NCOR2: variants seen among roughly 807,000 people sequenced by gnomAD.
The protein encoded by NCOR2 is CTG repeat protein 26.
A neutral mutation model predicts 262.9 loss-of-function variants in NCOR2; 81 were observed. That is an observed-to-expected ratio of 0.31 (90% CI 0.26 to 0.37). NCOR2 has a LOEUF of 0.37. NCOR2 is among the 10% of genes least tolerant of loss of function. The probability of loss-of-function intolerance (pLI) is 1.00; values close to 1 mark genes in which losing one functional copy is unlikely to be tolerated. For missense variants in NCOR2, 3,385 were observed against 3,621.4 expected (o/e 0.93, Z 1.68); for synonymous variants, 1,659 against 1,559.3 (o/e 1.06, Z -1.51).
At chr12:124,522,978 G>T (rs535560492) in intron 1 of NCOR2, among the ~76,000 whole-genome samples, 2 of 152,300 alleles carry the variant, frequency 1.3e-5, no homozygotes, top group African/African-American at 4.8e-5. Context: ...AAAGGGGCCT[G>T]CCTCCTGGAT....
At chr12:124,370,760 G>T (rs1178689246) in intron 20 of NCOR2, among the ~76,000 whole-genome samples, 1 of 152,158 alleles carries the variant, frequency 6.6e-6, no homozygotes, top group Non-Finnish European at 1.5e-5. Context: ...GGTCACCCAG[G>T]CCAGGAGCAA....
rs2051599502 is a variant in NCOR2, at chr12:124,548,230, C to T, written c.-164-12619G>A. Among the ~76,000 whole-genome samples the T allele has an allele frequency of 6.6e-6, 1 of 152,196 alleles. No homozygotes were observed. The highest frequency in any genetic ancestry group is 2.4e-5 in the African/African-American group (1 of 41,450). The stretch of plus-strand genomic sequence containing the variant: ...TGTCAATATGCAGGGAACAGCATTC[C>T]AGGTGGGGGGAACAACAAACGCGAA... On this transcript the variant is annotated intron_variant, in intron 1 of 32. Transcript: ENST00000458234. This position sits in a 1 kb window ranked among gnomAD's most constrained non-coding sequence, Gnocchi z 5.1.
rs748310660 is a variant in NCOR2, at chr12:124,340,755, C to A, written c.5189-4G>T. On this transcript the variant is annotated splice_polypyrimidine_tract_variant and splice_region_variant and intron_variant, in intron 34 of 46. Transcript: ENST00000405201. ...ACTTGGGACAGGTCGATGATGCCTGCGGGAGGTGTTGGGCCAGGGCTGTAG... is the reference window on the plus strand; with the variant it reads ...ACTTGGGACAGGTCGATGATGCCTGAGGGAGGTGTTGGGCCAGGGCTGTAG... The A allele has an allele frequency of 3.3e-5, 51 of 1,531,972 alleles. No homozygotes were observed. Among genetic ancestry groups the A allele is most frequent in the Middle Eastern group, 3.4e-4 (2 of 5,818 alleles). The allele number at this position is 1,531,972 out of a possible 1,614,324, so 94.9% of individuals were successfully genotyped here.
At chr12:124,520,094 G>A (rs1006764159) in intron 1 of NCOR2, among the ~76,000 whole-genome samples, 10 of 152,186 alleles carry the variant, frequency 6.6e-5, no homozygotes, top group Admixed American at 3.3e-4. Flanking sequence ...TAGTGGCTGC[G>A]GAGGCCCCTG....
chr12:124,494,667 G>A (rs1358546991), intron 1 of NCOR2, among the ~76,000 whole-genome samples: 1 of 152,172 alleles, frequency 6.6e-6, no homozygotes, highest in Non-Finnish European at 1.5e-5. Flanking sequence ...AACCTGTGTG[G>A]GGCCTCCTCA....
chr12:124,442,550 C>G (rs554260137), intron 7 of NCOR2, among the ~76,000 whole-genome samples: 1 of 152,322 alleles, frequency 6.6e-6, no homozygotes, highest in East Asian at 1.9e-4. Flanking sequence ...TTCTGTTGCA[C>G]AACGTACAAT....
rs1435801749 is a variant in NCOR2, at chr12:124,548,429, T to C, written c.-164-12818A>G. 2.0e-5 allele frequency among the ~76,000 whole-genome samples: 3 copies of C among 152,096 alleles called. No individual in the cohort carries two copies. Among genetic ancestry groups the C allele is most frequent in the Non-Finnish European group, 2.9e-5 (2 of 67,990 alleles). ...CCAGACAGGTGTGACCAGAGTGGAC[T>C]GGGGACCCCGAAGAGGCTACTGCAG... On this transcript the variant is annotated intron_variant, in intron 1 of 32. Coordinates refer to the NCOR2 transcript ENST00000458234. This position sits in a 1 kb window ranked among gnomAD's most constrained non-coding sequence, Gnocchi z 5.1.
chr12:124,485,640 C>T (rs1229971884), intron 2 of NCOR2, among the ~76,000 whole-genome samples: 1 of 152,212 alleles, frequency 6.6e-6, no homozygotes, highest in African/African-American at 2.4e-5. Flanking sequence ...CAGACGCCTG[C>T]GCCCACCTGA....
At chr12:124,540,479 A>T (rs1234188049), upstream of NCOR2, among the ~76,000 whole-genome samples, 2 of 9,108 alleles carry the variant, frequency 2.2e-4, no homozygotes, top group African/African-American at 6.2e-4. Flanking sequence ...CTGGAGGGGG[A>T]TGGGGAGTGG....
rs2047631359 is a variant in NCOR2, at chr12:124,483,853, C to T, written c.234-80G>A. ...CCGAGGCCCCGACCACCCTCTGCGC[C>T]GAGCATCTACTGCGCGCCGTGCTCT... On this transcript the variant is annotated intron_variant, in intron 2 of 46. Coordinates refer to ENST00000405201, the Ensembl canonical transcript of NCOR2. This position sits in a 1 kb window ranked among gnomAD's most constrained non-coding sequence, Gnocchi z 6.3. The T allele has an allele frequency of 2.8e-6, 4 of 1,409,222 alleles. No individual in the cohort carries two copies. Among genetic ancestry groups the T allele is most frequent in the Admixed American group, 2.6e-5 (1 of 38,484 alleles). 87.3% of individuals were successfully genotyped at this position (1,409,222 alleles called of 1,614,324 possible).
intron 1 of NCOR2, among the ~76,000 whole-genome samples, chr12:124,501,577 T>G (rs1278542998): frequency 6.6e-6 from 1 of 152,122 alleles, no homozygotes; most frequent in Non-Finnish European, 1.5e-5. Context: ...TGTAGATGCA[T>G]CGTGCCATCC....
chr12:124,474,361 G>T (rs753275144), intron 3 of NCOR2, among the ~76,000 whole-genome samples: 2 of 152,120 alleles, frequency 1.3e-5, no homozygotes, highest in Admixed American at 1.3e-4. Context: ...CTTTTTATTT[G>T]CCCGTTATTT....
At chr12:124,349,662 A>T (rs2037266409) in intron 28 of NCOR2, among the ~76,000 whole-genome samples, 1 of 152,128 alleles carries the variant, frequency 6.6e-6, no homozygotes, top group Non-Finnish European at 1.5e-5. Flanking sequence ...GAGAGTTTAA[A>T]GGCCCCGACT....
At chr12:124,487,204 G>A (rs1052764968) in intron 1 of NCOR2, among the ~76,000 whole-genome samples, 20 of 152,190 alleles carry the variant, frequency 1.3e-4, no homozygotes, top group African/African-American at 4.1e-4. Flanking sequence ...ATGCCCACGC[G>A]AGGGAACGAG....
intron 20 of NCOR2, among the ~76,000 whole-genome samples, chr12:124,369,358 G>A (rs1405433780): frequency 6.6e-6 from 1 of 152,080 alleles, no homozygotes; most frequent in Non-Finnish European, 1.5e-5. Context: ...CGGGGCGGGG[G>A]GCCAGATGAG....
Position 124,372,555 on chromosome 12 carries a change from G to A in NCOR2, c.2274C>T (p.Ala758=), listed in dbSNP as rs771509251. Residue 758 remains alanine (A), a synonymous_variant, in exon 20 of 47, where the codon GCC becomes GCT. Coordinates refer to ENST00000405201, the Ensembl canonical transcript of NCOR2. ...GCCCATTCTGCCCTGTGTCCTTGGCGGCCTCAGTGTGAGGAGAGGGGATGC... is the reference window on the plus strand; with the variant it reads ...GCCCATTCTGCCCTGTGTCCTTGGCAGCCTCAGTGTGAGGAGAGGGGATGC... 59 of 1,598,028 alleles carry A rather than the reference G, an allele frequency of 3.7e-5. No homozygotes were observed. The highest frequency in any genetic ancestry group is 1.1e-4 in the South Asian group (10 of 91,066).
intron 1 of NCOR2, among the ~76,000 whole-genome samples, chr12:124,526,129 T>C (rs2050455617): frequency 6.6e-6 from 1 of 152,200 alleles, no homozygotes; most frequent in Non-Finnish European, 1.5e-5. Flanking sequence ...GATTATTCAA[T>C]GTGAGTGTTC....
intron 13 of NCOR2, among the ~76,000 whole-genome samples, chr12:124,407,252 C>G (rs1028741514): frequency 6.6e-6 from 1 of 152,224 alleles, no homozygotes; most frequent in South Asian, 2.1e-4. Flanking sequence ...TTGACAAAGA[C>G]AGGCCAGATG....
chr12:124,432,244 G>C lies in NCOR2; in HGVS notation c.883-1457C>G, dbSNP rs2044000541. On this transcript the variant is annotated intron_variant, in intron 8 of 46. Transcript: ENST00000405201. This position sits in a 1 kb window ranked among gnomAD's most constrained non-coding sequence, Gnocchi z 5.1. The stretch of plus-strand genomic sequence containing the variant: ...ACAACAGACACACACACATCACACA[G>C]GCAGACGACAGAAAGACAGGCACAT... 6.6e-6 allele frequency among the ~76,000 whole-genome samples: 1 copy of C among 152,108 alleles called. No individual in the cohort carries two copies. The highest frequency in any genetic ancestry group is 1.5e-5 in the Non-Finnish European group (1 of 68,012).
Sources: gnomAD v4.1 joint callset for allele counts (sites outside exome capture counted in the v4.1 genomes callset) on GRCh38, gnomAD v4.1.1 for gene constraint, Gnocchi (gnomAD v3.1) non-coding constraint, MANE v1.5 for transcripts, NCBI Gene and HGNC (gene_info 2026-07-23, HGNC 2026-07-21) for gene names.